Variants in ADH7 observed in about 807,000 individuals in gnomAD.
The protein encoded by ADH7 is alcohol dehydrogenase 7 (class IV), mu or sigma polypeptide.
A neutral mutation model predicts 34.4 loss-of-function variants in ADH7; 41 were observed. The observed-to-expected ratio is 1.19, with a 90% CI of 0.93 to 1.55. The LOEUF is 1.55. ADH7 is among the 40% of genes most tolerant of loss of function. The pLI is 0.00. For synonymous variants in ADH7, 180 were observed against 160.9 expected (o/e 1.12, Z -0.90); for missense variants, 540 against 461.2 (o/e 1.17, Z -1.56).
Position 99,420,798 on chromosome 4 carries a change from G to C in ADH7, c.565-5C>G, listed in dbSNP as rs1341385814. The C allele has an allele frequency of 1.2e-6, 2 of 1,613,364 alleles. No individual in the cohort carries two copies. Among genetic ancestry groups the C allele is most frequent in the Non-Finnish European group, 1.7e-6 (2 of 1,179,710 alleles). On this transcript the variant is annotated splice_region_variant and splice_polypyrimidine_tract_variant and intron_variant, in intron 5 of 8. Coordinates refer to ENST00000437033, the MANE Select transcript of ADH7 (RefSeq NM_000673.7). The stretch of plus-strand genomic sequence containing the variant: ...GCAAGTGGAACCAGGTTTGACCTGT[G>C]GAGAGGAATGTTCTTGAACATGTTA...
intron 5 of ADH7, among the ~76,000 whole-genome samples, chr4:99,421,530 C>T (rs1721663147): frequency 6.6e-6 from 1 of 152,138 alleles, no homozygotes; most frequent in African/African-American, 2.4e-5. Flanking sequence ...AAATGTAAAA[C>T]CCCAAACCAT....
At chr4:99,413,296 C>G in intron 8 of ADH7, 124 bp from the exon 9 acceptor site, 2 of 1,063,664 alleles carry the variant, frequency 1.9e-6, no homozygotes, top group Non-Finnish European at 2.8e-6. Flanking sequence ...TGGAAATCCT[C>G]TGGGCTCAAA....
rs284797 is a variant in ADH7, at chr4:99,427,978, C to T, written c.359G>A (p.Arg120His). 3,667 of 1,613,864 alleles carry T rather than the reference C, an allele frequency of 2.3e-3. 7 individuals are homozygous for T. Among genetic ancestry groups the T allele is most frequent in the Non-Finnish European group, 2.9e-3 (3,387 of 1,179,874 alleles). ...GGTGGTGCCATCAGCCAGTACTCCACGACCAGTAATACTGTTTGATACATC... is the reference window on the plus strand; with the variant it reads ...GGTGGTGCCATCAGCCAGTACTCCATGACCAGTAATACTGTTTGATACATC... The part of the protein sequence containing the change: ...NLCIRSDITG[R>H]GVLADGTTRF... Residue 120 changes from arginine to histidine, a missense_variant, in exon 5 of 9, where the codon CGT becomes CAT. Arg to His is a conservative substitution (Grantham distance 29, BLOSUM62 0). Coordinates refer to ENST00000437033, the MANE Select transcript of ADH7 (RefSeq NM_000673.7).
At chr4:99,418,150 G>T (rs1414071070) in intron 7 of ADH7, among the ~76,000 whole-genome samples, 1 of 152,076 alleles carries the variant, frequency 6.6e-6, no homozygotes, top group Non-Finnish European at 1.5e-5. Flanking sequence ...TTTTAACATA[G>T]AATAAATGCT....
chr4:99,430,858 C>T (rs1026283786), intron 1 of ADH7, among the ~76,000 whole-genome samples: 13 of 151,956 alleles, frequency 8.6e-5, no homozygotes, highest in Non-Finnish European at 1.8e-4. Context: ...AGTGTAGTGG[C>T]GCAATCTGGG....
At chr4:99,422,608 A>G (rs1721692911) in intron 5 of ADH7, among the ~76,000 whole-genome samples, 1 of 152,074 alleles carries the variant, frequency 6.6e-6, no homozygotes, top group Non-Finnish European at 1.5e-5. Context: ...CTCTGCACAT[A>G]TATCCCATTT....
At chr4:99,413,990 TAG>T (rs1354884105) in intron 8 of ADH7, among the ~76,000 whole-genome samples, 1 of 152,166 alleles carries the variant, frequency 6.6e-6, no homozygotes. Flanking sequence ...GACATTCAAA[TAG>T]AGCTGTGCAG....
At chr4:99,419,378 G>A (rs560193179) in intron 6 of ADH7, among the ~76,000 whole-genome samples, 15 of 152,218 alleles carry the variant, frequency 9.9e-5, no homozygotes, top group African/African-American at 3.6e-4. Flanking sequence ...TAAAATACAA[G>A]GGAAATTCTT....
At chr4:99,434,960 A>T in intron 1 of ADH7, 1 of 1,326,280 alleles carries the variant, frequency 7.5e-7, no homozygotes, top group Non-Finnish European at 1.0e-6. Context: ...AATAATGCCA[A>T]TATAAATCAA....
intron 1 of ADH7, among the ~76,000 whole-genome samples, chr4:99,434,356 T>A (rs1722001567): frequency 6.6e-6 from 1 of 152,186 alleles, no homozygotes; most frequent in Non-Finnish European, 1.5e-5. Flanking sequence ...ATTCCAGTTC[T>A]ATCCAATTCT....
intron 5 of ADH7, among the ~76,000 whole-genome samples, chr4:99,425,181 C>A (rs892201044): frequency 1.3e-4 from 20 of 151,856 alleles, no homozygotes; most frequent in South Asian, 4.2e-4. Context: ...CTAACATCAT[C>A]ATGACAGGAT....
chr4:99,431,310 T>C (rs1247794546), intron 1 of ADH7, among the ~76,000 whole-genome samples: 1 of 152,170 alleles, frequency 6.6e-6, no homozygotes, highest in South Asian at 2.1e-4. Context: ...CCTTATATCA[T>C]ACATAAAAGT....
chr4:99,420,425 A>G lies in ADH7; in HGVS notation c.825+108T>C. 4.7e-6 allele frequency: 6 copies of G among 1,269,828 alleles called. No homozygotes were observed. The South Asian group carries it at 7.4e-5, about 16-fold the overall frequency. 78.7% of individuals were successfully genotyped at this position (1,269,828 alleles called of 1,614,324 possible). A position where few individuals can be genotyped will look rare whatever the true frequency, so the allele number is the denominator to read the frequency against. The stretch of plus-strand genomic sequence containing the variant: ...TTGCCTGAGTAAAACTGACTATCGC[A>G]GAGATATTTCCATTATTGACTATTA... On this transcript the variant is annotated intron_variant, in intron 6 of 8. Transcript: ENST00000437033.
Position 99,420,682 on chromosome 4 carries a change from T to C in ADH7, c.676A>G (p.Lys226Glu), listed in dbSNP as rs59534319. 8,577 of 1,613,840 alleles carry C rather than the reference T, an allele frequency of 5.3e-3. 355 individuals carry two copies. The African/African-American group carries it at 0.092, about 17-fold the overall frequency. The change falls in exon 6 of 9, where the codon AAA becomes GAA. Residue 226 changes from lysine (K) to glutamate (E), a missense_variant. Physicochemically the swap from Lys to Glu is moderately conservative, Grantham distance 56. Coordinates refer to ENST00000437033, the MANE Select transcript of ADH7 (RefSeq NM_000673.7). Reference sequence around the variant, plus strand: ...GCCATGGCCTTCTCAAATTTGTCTTTGTTGAGGTCAATCCCAATGATCCTA... The same window carrying C: ...GCCATGGCCTTCTCAAATTTGTCTTCGTTGAGGTCAATCCCAATGATCCTA... ...ASRIIGIDLN[K>E]DKFEKAMAVG...
chr4:99,424,443 G>T (rs1276559205), intron 5 of ADH7, among the ~76,000 whole-genome samples: 1 of 152,098 alleles, frequency 6.6e-6, no homozygotes, highest in Non-Finnish European at 1.5e-5. Context: ...GATGGGGATG[G>T]CATTGAATCT....
At chr4:99,423,061 T>C (rs1490664562) in intron 5 of ADH7, among the ~76,000 whole-genome samples, 1 of 130,204 alleles carries the variant, frequency 7.7e-6, no homozygotes, top group Non-Finnish European at 1.6e-5. Flanking sequence ...CAGAGTGTGA[T>C]GTTCCCCTTC....
chr4:99,413,211 A>G (rs1480183122), intron 8 of ADH7, 39 bp from the exon 9 acceptor site: 2 of 1,607,818 alleles, frequency 1.2e-6, no homozygotes, highest in South Asian at 1.1e-5. Flanking sequence ...ACTTGTTTTC[A>G]TATCTTTCAA....
intron 7 of ADH7, 195 bp from the exon 8 acceptor site, chr4:99,415,811 T>A: frequency 2.2e-6 from 1 of 462,148 alleles, no homozygotes; most frequent in Non-Finnish European, 3.7e-6. Context: ...AATGAGTTCA[T>A]GTCCTTTGCA....
At chr4:99,425,463 A>C (rs1721777904) in intron 5 of ADH7, among the ~76,000 whole-genome samples, 3 of 152,196 alleles carry the variant, frequency 2.0e-5, no homozygotes, top group African/African-American at 7.2e-5. Flanking sequence ...GAGACAAAGA[A>C]GGCCATTACA....
Sources: gnomAD v4.1 joint callset for allele counts (sites outside exome capture counted in the v4.1 genomes callset) on GRCh38, gnomAD v4.1.1 for gene constraint, MANE v1.5 for transcripts, NCBI Gene and HGNC (gene_info 2026-07-23, HGNC 2026-07-21) for gene names.